CHRM3: variants seen among roughly 807,000 people sequenced by gnomAD.
CHRM3 encodes muscarinic acetylcholine receptor M3.
CHRM3 carries 11 observed loss-of-function variants against 41.8 expected under a neutral mutation model. The observed-to-expected ratio is 0.26, with a 90% CI of 0.17 to 0.44. The LOEUF is 0.44. Ranked by LOEUF, CHRM3 falls within the 20% of genes least tolerant of loss-of-function variation. CHRM3 has a pLI of 1.00. For missense variants in CHRM3, 571 were observed against 745.4 expected, an observed-to-expected ratio of 0.77 and a Z score of 2.72; for synonymous variants, 297 against 301.4, an observed-to-expected ratio of 0.99 and a Z score of 0.15.
intron 3 of CHRM3, among the ~76,000 whole-genome samples, chr1:239,626,943 A>G (rs1174308336): frequency 6.2e-5 from 3 of 48,038 alleles, no homozygotes; most frequent in African/African-American, 2.4e-4. Context: ...ATTTTGGAAT[A>G]GGTGTGGTGT....
intron 5 of CHRM3, among the ~76,000 whole-genome samples, chr1:239,757,521 T>G (rs1489022024): frequency 6.6e-6 from 1 of 151,648 alleles, no homozygotes; most frequent in East Asian, 1.9e-4. Flanking sequence ...TCCCAGGTAC[T>G]CGGGAGGCTG....
At chr1:239,508,681 T>C (rs1160642920) in intron 2 of CHRM3, among the ~76,000 whole-genome samples, 1 of 152,186 alleles carries the variant, frequency 6.6e-6, no homozygotes, top group Non-Finnish European at 1.5e-5. Flanking sequence ...ATTAGCGAAG[T>C]GCTTTTGACA....
intron 1 of CHRM3, among the ~76,000 whole-genome samples, chr1:239,478,469 TA>T (rs891952372): frequency 5.3e-5 from 8 of 152,150 alleles, no homozygotes; most frequent in South Asian, 2.1e-4. Flanking sequence ...ATTATTAGAT[TA>T]AAAAAAATTT....
intron 2 of CHRM3, among the ~76,000 whole-genome samples, chr1:239,528,169 T>C (rs1218667): frequency 0.46 from 70,349 of 152,092 alleles, 17,069 homozygotes; most frequent in Middle Eastern, 0.62. Context: ...GCAGAGATGA[T>C]GGCAAGTCAC....
At chr1:239,874,285 G>GTATGTATATATATA (rs1676853167) in intron 6 of CHRM3, among the ~76,000 whole-genome samples, 1 of 83,294 alleles carries the variant, frequency 1.2e-5, no homozygotes, top group African/African-American at 6.1e-5. Flanking sequence ...TATATACACA[G>GTATGTATATATATA]TATATATATA....
At chr1:239,759,178 TTTTGTTTTTTTTTTTTTTAG>T (rs1216849707) in intron 5 of CHRM3, among the ~76,000 whole-genome samples, 1 of 144,906 alleles carries the variant, frequency 6.9e-6, no homozygotes, top group African/African-American at 2.7e-5. Flanking sequence ...TGTTTTTTTT[TTTTGTTTTTTTTTTTTTTAG>T]AGAGAGGCTT....
At chr1:239,864,349 A>C (rs1269562135) in intron 6 of CHRM3, among the ~76,000 whole-genome samples, 1 of 152,158 alleles carries the variant, frequency 6.6e-6, no homozygotes, top group African/African-American at 2.4e-5. Context: ...TCTATTAAAA[A>C]TACAAAAATT....
chr1:239,506,133 G>GA (rs997078324), intron 2 of CHRM3, among the ~76,000 whole-genome samples: 10 of 152,110 alleles, frequency 6.6e-5, no homozygotes, highest in South Asian at 2.1e-4. Flanking sequence ...CAATGAGATA[G>GA]AAAAAAAATC....
chr1:239,425,172 A>C (rs1017738640), intron 1 of CHRM3, among the ~76,000 whole-genome samples: 1 of 152,194 alleles, frequency 6.6e-6, no homozygotes, highest in Non-Finnish European at 1.5e-5. Context: ...ATTGAATAGG[A>C]AATATTGGGG....
intron 6 of CHRM3, among the ~76,000 whole-genome samples, chr1:239,838,699 G>A (rs1247926299): frequency 6.6e-6 from 1 of 152,106 alleles, no homozygotes; most frequent in Admixed American, 6.6e-5. Flanking sequence ...CAGACCTGGG[G>A]AATTTCCCAT....
At chr1:239,562,031 T>G (rs1029763119) in intron 3 of CHRM3, among the ~76,000 whole-genome samples, 1 of 152,198 alleles carries the variant, frequency 6.6e-6, no homozygotes, top group African/African-American at 2.4e-5. Flanking sequence ...CAACCTTGCA[T>G]ACGTAAATTT....
intron 2 of CHRM3, among the ~76,000 whole-genome samples, chr1:239,494,685 T>C (rs1667768687): frequency 6.6e-6 from 1 of 152,128 alleles, no homozygotes; most frequent in South Asian, 2.1e-4. Flanking sequence ...TTCTTTTCCC[T>C]AATGCTCTCC....
At chr1:239,749,605 C>A (rs971564210) in intron 5 of CHRM3, among the ~76,000 whole-genome samples, 20 of 152,100 alleles carry the variant, frequency 1.3e-4, no homozygotes, top group African/African-American at 4.8e-4. Flanking sequence ...GAGATGGAGG[C>A]TGTAGTGAGC....
At chr1:239,400,339 T>C (rs151328838) in intron 1 of CHRM3, among the ~76,000 whole-genome samples, 164 of 152,338 alleles carry the variant, frequency 1.1e-3, no homozygotes, top group African/African-American at 2.3e-3. Flanking sequence ...CTTCCTTATA[T>C]GTTCTGGTTA....
In CHRM3 at chr1:239,387,202, ACAGC is replaced by A. The variant is rs1658582114; in HGVS notation, c.-543_-540del. The A allele has an allele frequency of 6.6e-6, 1 of 152,094 alleles. No homozygotes were observed. Among genetic ancestry groups the A allele is most frequent in the African/African-American group, 2.4e-5 (1 of 41,418 alleles). 9.4% of individuals were successfully genotyped at this position (152,094 alleles called of 1,614,324 possible). On this transcript the variant is annotated 5_prime_UTR_variant, in exon 1 of 7. Transcript: ENST00000676153. The surrounding 1 kb of genome is among the most constrained non-coding windows in gnomAD (Gnocchi z 5.1). ...GGGCAGGCGCGGAGACCGGCGTGGG[ACAGC>A]CACCTGGAGCGCAGCTGCCAGGTAG...
At chr1:239,780,475 T>C (rs1306789302) in intron 5 of CHRM3, among the ~76,000 whole-genome samples, 1 of 152,202 alleles carries the variant, frequency 6.6e-6, no homozygotes, top group Non-Finnish European at 1.5e-5. Context: ...AGGTGGTTGG[T>C]TTTCTTATTG....
At chr1:239,812,915 C>G (rs2148991722) in intron 5 of CHRM3, among the ~76,000 whole-genome samples, 1 of 152,184 alleles carries the variant, frequency 6.6e-6, no homozygotes, top group East Asian at 1.9e-4. Flanking sequence ...AAATGTGCAC[C>G]CTTTTCATCA....
intron 5 of CHRM3, among the ~76,000 whole-genome samples, chr1:239,780,854 C>T (rs892117565): frequency 1.3e-5 from 2 of 151,688 alleles, no homozygotes; most frequent in African/African-American, 4.8e-5. Flanking sequence ...GATGTCGAGT[C>T]GTTCCAGTTG....
chr1:239,679,882 C>T (rs897723243), intron 5 of CHRM3, among the ~76,000 whole-genome samples: 1 of 152,104 alleles, frequency 6.6e-6, no homozygotes, highest in African/African-American at 2.4e-5. Context: ...CTAACCCATC[C>T]AGTCCTTCAC....
Sources: allele counts gnomAD v4.1 joint callset (sites outside exome capture counted in the v4.1 genomes callset), GRCh38; gene constraint gnomAD v4.1.1; non-coding constraint Gnocchi (gnomAD v3.1); transcripts MANE v1.5; gene names NCBI Gene and HGNC (gene_info 2026-07-23, HGNC 2026-07-21).